The following IL23R variants were observed in gnomAD, a reference collection of about 807,000 sequenced individuals.
IL23R encodes interleukin 23 receptor.
In IL23R, 34 loss-of-function variants were observed where a neutral mutation model predicts 56.9. The ratio of observed to expected loss-of-function variants is 0.60; its 90% CI spans 0.45 to 0.80. The LOEUF (loss-of-function observed/expected upper bound fraction) is 0.80. Ranked by LOEUF, IL23R falls within the 30% of genes least tolerant of loss-of-function variation. The pLI is 0.00. For missense variants in IL23R, 635 were observed against 730.0 expected (o/e 0.87, Z 1.50); for synonymous variants, 230 against 249.2 (o/e 0.92, Z 0.73).
At chr1:67,150,717 G>C (rs1646721530) in intron 1 of IL23R, among the ~76,000 whole-genome samples, 1 of 151,580 alleles carries the variant, frequency 6.6e-6, no homozygotes, top group Non-Finnish European at 1.5e-5. Flanking sequence ...AATCAGTTGG[G>C]TCATATGAAC....
chr1:67,247,367 C>T (rs558739615), intron 9 of IL23R, among the ~76,000 whole-genome samples: 13 of 151,578 alleles, frequency 8.6e-5, no homozygotes, highest in Admixed American at 5.9e-4. Context: ...TGCAATGGCA[C>T]GATCTTGGCT....
At chr1:67,154,598 T>G (rs1250914744) in intron 1 of IL23R, among the ~76,000 whole-genome samples, 1 of 152,106 alleles carries the variant, frequency 6.6e-6, no homozygotes, top group Admixed American at 6.5e-5. Flanking sequence ...TTTTTAAATT[T>G]TATTTTATTA....
At chr1:67,232,848 G>A (rs554811877) in intron 7 of IL23R, among the ~76,000 whole-genome samples, 49 of 152,026 alleles carry the variant, frequency 3.2e-4, no homozygotes, top group Non-Finnish European at 6.6e-4. Context: ...AATGGTGGGG[G>A]CAGTTGCAGT....
At chr1:67,161,753 A>G (rs922851502), upstream of IL23R, among the ~76,000 whole-genome samples, 2 of 151,776 alleles carry the variant, frequency 1.3e-5, no homozygotes, top group Admixed American at 6.6e-5. Context: ...TCAGCCTCCT[A>G]AGTAGCTGGG....
chr1:67,145,843 T>C (rs1646674661), intron 1 of IL23R, among the ~76,000 whole-genome samples: 1 of 152,162 alleles, frequency 6.6e-6, no homozygotes, highest in Admixed American at 6.5e-5. Context: ...ATTCCCACAT[T>C]GAATCTGGGG....
intron 4 of IL23R, among the ~76,000 whole-genome samples, chr1:67,198,339 T>C (rs1388289581): frequency 1.3e-5 from 2 of 152,188 alleles, no homozygotes; most frequent in Non-Finnish European, 2.9e-5. Flanking sequence ...AAAAACATCA[T>C]GTGATTATTT....
rs191590196 is a variant in IL23R at position 67,182,337 on chromosome 1, G to A, written c.368-499G>A. Among the ~76,000 whole-genome samples, 837 of 152,264 alleles carry A rather than the reference G, an allele frequency of 5.5e-3. 5 individuals carry two copies. Among genetic ancestry groups the A allele is most frequent in the Middle Eastern group, 0.037 (11 of 294 alleles). On this transcript the variant is annotated intron_variant, in intron 3 of 10. Coordinates refer to ENST00000347310, the MANE Select transcript of IL23R (RefSeq NM_144701.3). ...TACCTACTCAAGCCTCAGCAATGGC[G>A]GGCACCCCTCTCCCAGCCTCGCTGC...
intron 1 of IL23R, among the ~76,000 whole-genome samples, chr1:67,157,859 G>A (rs540412313): frequency 6.6e-6 from 1 of 152,276 alleles, no homozygotes; most frequent in South Asian, 2.1e-4. Context: ...ACTTTTGTCT[G>A]TTTTGTTTAC....
At chr1:67,147,011 G>A (rs965817083) in intron 1 of IL23R, among the ~76,000 whole-genome samples, 1 of 152,094 alleles carries the variant, frequency 6.6e-6, no homozygotes. Context: ...TTGTTCTAAC[G>A]GGTGAGTACA....
intron 7 of IL23R, among the ~76,000 whole-genome samples, chr1:67,225,298 A>G (rs780008629): frequency 6.6e-6 from 1 of 152,242 alleles, no homozygotes; most frequent in Non-Finnish European, 1.5e-5. Context: ...GTAGATGATG[A>G]GAATGAAACC....
chr1:67,144,246 G>C (rs926466267), intron 1 of IL23R, among the ~76,000 whole-genome samples: 1 of 152,112 alleles, frequency 6.6e-6, no homozygotes, highest in Non-Finnish European at 1.5e-5. Context: ...ACAGAGCAGC[G>C]AAGCTCTTGA....
At chr1:67,149,419 G>A (rs1235963319) in intron 1 of IL23R, among the ~76,000 whole-genome samples, 2 of 152,000 alleles carry the variant, frequency 1.3e-5, no homozygotes, top group Admixed American at 1.3e-4. Flanking sequence ...TTGAACCTCC[G>A]TGACCTGTCT....
At chr1:67,201,648 C>T (rs1648649678) in intron 5 of IL23R, among the ~76,000 whole-genome samples, 1 of 150,800 alleles carries the variant, frequency 6.6e-6, no homozygotes, top group Non-Finnish European at 1.5e-5. Flanking sequence ...ATACTCTATA[C>T]ACTACTTGGG....
At chr1:67,224,424 T>A (rs1050815131) in intron 7 of IL23R, among the ~76,000 whole-genome samples, 1 of 152,252 alleles carries the variant, frequency 6.6e-6, no homozygotes, top group South Asian at 2.1e-4. Flanking sequence ...CTTTTCTGAA[T>A]TAGTCTCTAA....
chr1:67,252,984 A>G (rs1191463103), intron 9 of IL23R, among the ~76,000 whole-genome samples: 1 of 152,180 alleles, frequency 6.6e-6, no homozygotes, highest in Non-Finnish European at 1.5e-5. Context: ...TTACAGGCAC[A>G]TACTCCTAAG....
At chr1:67,251,665 T>C (rs1481062364) in intron 9 of IL23R, among the ~76,000 whole-genome samples, 1 of 152,002 alleles carries the variant, frequency 6.6e-6, no homozygotes, top group East Asian at 1.9e-4. Context: ...TTCAAGACAA[T>C]TCATGGAAGG....
chr1:67,211,032 C>G (rs927685547), intron 6 of IL23R, among the ~76,000 whole-genome samples: 1 of 152,088 alleles, frequency 6.6e-6, no homozygotes, highest in African/African-American at 2.4e-5. Context: ...AAAAATTACT[C>G]ATTAAAAGTA....
At chr1:67,161,569 T>C (rs543043011), upstream of IL23R, among the ~76,000 whole-genome samples, 6 of 151,918 alleles carry the variant, frequency 3.9e-5, no homozygotes, top group African/African-American at 1.2e-4. Flanking sequence ...AAGAAGATTT[T>C]CAAACTACGT....
intron 3 of IL23R, 85 bp from the exon 4 acceptor site, chr1:67,182,751 G>C: frequency 7.0e-7 from 1 of 1,429,676 alleles, no homozygotes; most frequent in Non-Finnish European, 9.8e-7. Flanking sequence ...GTAGACTGGA[G>C]CTGTTCCTAT....
Sources: allele counts gnomAD v4.1 joint callset (sites outside exome capture counted in the v4.1 genomes callset), GRCh38; gene constraint gnomAD v4.1.1; transcripts MANE v1.5; gene names NCBI Gene and HGNC (gene_info 2026-07-23, HGNC 2026-07-21).